RORB: variants seen among roughly 807,000 people sequenced by gnomAD.
RORB encodes the protein RAR related orphan receptor B.
RORB carries 6 observed loss-of-function variants against 59.1 expected under a neutral mutation model. That is an observed-to-expected ratio of 0.10 (90% CI 0.06 to 0.20). RORB has a LOEUF of 0.20. Among genes scored for constraint, RORB ranks in the 10% least tolerant of loss-of-function variants. The pLI, the probability that RORB is intolerant of heterozygous loss-of-function variation, is 1.00. For synonymous variants in RORB, 215 were observed against 204.5 expected, an observed-to-expected ratio of 1.05 and a Z score of -0.44; for missense variants, 320 against 560.5, an observed-to-expected ratio of 0.57 and a Z score of 4.33.
chr9:74,681,823 A>C (rs1284559286), intron 9 of RORB, among the ~76,000 whole-genome samples: 1 of 152,244 alleles, frequency 6.6e-6, no homozygotes, highest in African/African-American at 2.4e-5. Context: ...ATTGTTGTAC[A>C]TATGATTCTA....
intron 1 of RORB, among the ~76,000 whole-genome samples, chr9:74,515,477 G>C (rs1450323366): frequency 2.6e-5 from 4 of 151,964 alleles, no homozygotes; most frequent in Non-Finnish European, 4.4e-5. Flanking sequence ...TCTTTCAGGA[G>C]AGTGTTTTAT....
chr9:74,572,492 A>G (rs1253071486), intron 1 of RORB, among the ~76,000 whole-genome samples: 2 of 152,120 alleles, frequency 1.3e-5, no homozygotes, highest in East Asian at 3.9e-4. Context: ...AAGATGCCCC[A>G]CCATGATAGC....
intron 2 of RORB, among the ~76,000 whole-genome samples, chr9:74,630,782 C>A (rs1823604113): frequency 6.7e-6 from 1 of 149,190 alleles, no homozygotes; most frequent in Non-Finnish European, 1.5e-5. Flanking sequence ...GTCAAGGTAA[C>A]AGCTACAATA....
chr9:74,682,626 C>T (rs985782339), intron 9 of RORB, among the ~76,000 whole-genome samples: 1 of 152,126 alleles, frequency 6.6e-6, no homozygotes, highest in African/African-American at 2.4e-5. Context: ...TTGACCCCCA[C>T]CAAACTAATA....
In RORB at chr9:74,634,617, C is replaced by G; in HGVS notation, c.94-14C>G. The G allele has an allele frequency of 6.3e-7, 1 of 1,594,938 alleles. No homozygotes were observed. The highest frequency in any genetic ancestry group is 2.2e-5 in the East Asian group (1 of 44,484). On this transcript the variant is annotated splice_polypyrimidine_tract_variant and intron_variant, in intron 2 of 9. Coordinates refer to ENST00000376896, the MANE Select transcript of RORB (RefSeq NM_006914.4). Reference sequence around the variant, plus strand: ...TATAAATCTGTTTCCCTCCCCTTCTCTTTTTCCCTCAAGGGATTCTTTAGG... The same window carrying G: ...TATAAATCTGTTTCCCTCCCCTTCTGTTTTTCCCTCAAGGGATTCTTTAGG...
chr9:74,501,178 A>C (rs549432159), intron 1 of RORB, among the ~76,000 whole-genome samples: 1 of 152,176 alleles, frequency 6.6e-6, no homozygotes, highest in Non-Finnish European at 1.5e-5. Context: ...CGTCGCAATC[A>C]ATAGGTGATT....
chr9:74,684,684 T>A (rs1824608368), intron 9 of RORB, among the ~76,000 whole-genome samples: 1 of 152,176 alleles, frequency 6.6e-6, no homozygotes. Context: ...TAAGTGGATA[T>A]CCTTCCACTC....
chr9:74,660,566 G>T, intron 4 of RORB, 51 bp from the exon 5 acceptor site: 1 of 1,559,752 alleles, frequency 6.4e-7, no homozygotes, highest in South Asian at 1.2e-5. Flanking sequence ...AAAAGCTAAT[G>T]AGCAGAGTAA....
chr9:74,571,401 T>TAA (rs78421295), intron 1 of RORB, among the ~76,000 whole-genome samples: 33 of 135,900 alleles, frequency 2.4e-4, no homozygotes, highest in African/African-American at 5.7e-4. Flanking sequence ...TACTTTCCTT[T>TAA]AAAAAAAAAA....
rs140921912 is a variant in RORB at position 74,678,154 on chromosome 9, CTTCAAGTGA to C, written c.1224+6256_1224+6264del. Among the ~76,000 whole-genome samples the C allele has an allele frequency of 2.6e-5, 4 of 152,298 alleles. No individual in the cohort carries two copies. In the East Asian group the frequency reaches 7.7e-4, roughly 29 times the overall value. ...AAAACTATACTCTCATTAGTTGAAA[CTTCAAGTGA>C]TTACATATCTTGCCTAACGTTAAGC... On this transcript the variant is annotated intron_variant, in intron 9 of 9. Transcript: ENST00000376896.
chr9:74,624,292 C>T (rs1021702821), intron 1 of RORB, among the ~76,000 whole-genome samples: 1 of 151,882 alleles, frequency 6.6e-6, no homozygotes, highest in African/African-American at 2.4e-5. Context: ...CAGAGAAGAC[C>T]CCAGATGCTG....
intron 1 of RORB, among the ~76,000 whole-genome samples, chr9:74,590,023 T>A (rs879423438): frequency 2.6e-5 from 4 of 152,242 alleles, no homozygotes; most frequent in African/African-American, 4.8e-5. Context: ...AATATTTACC[T>A]GCACTTCAGT....
intron 3 of RORB, among the ~76,000 whole-genome samples, chr9:74,635,767 C>T (rs1414210511): frequency 1.3e-5 from 2 of 152,088 alleles, no homozygotes; most frequent in African/African-American, 4.8e-5. Flanking sequence ...CGCACTCCCT[C>T]TAGTGAAATT....
intron 1 of RORB, among the ~76,000 whole-genome samples, chr9:74,590,422 A>G (rs900349110): frequency 3.3e-5 from 5 of 152,306 alleles, no homozygotes; most frequent in African/African-American, 1.2e-4. Flanking sequence ...TAGTGGTTAA[A>G]ATGCTGTACC....
At chr9:74,660,544 A>C in intron 4 of RORB, 73 bp from the exon 5 acceptor site, 3 of 1,413,268 alleles carry the variant, frequency 2.1e-6, no homozygotes, top group Non-Finnish European at 2.9e-6. Flanking sequence ...GCATTCTTAT[A>C]GTAAACACAT....
At chr9:74,625,625 T>G (rs987755219) in intron 1 of RORB, among the ~76,000 whole-genome samples, 3 of 152,182 alleles carry the variant, frequency 2.0e-5, no homozygotes, top group Non-Finnish European at 4.4e-5. Context: ...AACATTAATA[T>G]TGCTTATTGC....
chr9:74,653,499 G>A (rs1824029027), intron 4 of RORB, among the ~76,000 whole-genome samples: 1 of 151,718 alleles, frequency 6.6e-6, no homozygotes, highest in Non-Finnish European at 1.5e-5. Flanking sequence ...ATGAATAGAG[G>A]GTATAGTTCA....
intron 1 of RORB, among the ~76,000 whole-genome samples, chr9:74,552,018 A>G (rs1210070961): frequency 6.6e-6 from 1 of 152,168 alleles, no homozygotes; most frequent in Non-Finnish European, 1.5e-5. Context: ...GTGGAGAAGG[A>G]AAGATTCAAG....
intron 9 of RORB, among the ~76,000 whole-genome samples, chr9:74,673,516 G>T (rs1691987303): frequency 6.6e-6 from 1 of 152,148 alleles, no homozygotes; most frequent in Non-Finnish European, 1.5e-5. Flanking sequence ...CTAACACGTT[G>T]TGAAATGGTG....
Sources: allele counts gnomAD v4.1 joint callset (sites outside exome capture counted in the v4.1 genomes callset), GRCh38; gene constraint gnomAD v4.1.1; transcripts MANE v1.5; gene names NCBI Gene and HGNC (gene_info 2026-07-23, HGNC 2026-07-21).